Variants in SBF2 observed in about 807,000 individuals in gnomAD.
SBF2 encodes myotubularin-related protein 13.
In SBF2, 112 loss-of-function variants were observed where a neutral mutation model predicts 225.2. The observed-to-expected ratio is 0.50, with a 90% CI of 0.43 to 0.58. The LOEUF is 0.58. Among genes scored for constraint, SBF2 ranks in the 20% least tolerant of loss-of-function variants. The pLI, the probability that SBF2 is intolerant of heterozygous loss-of-function variation, is 0.00. For synonymous variants in SBF2, 763 were observed against 773.3 expected (o/e 0.99, Z 0.22); for missense variants, 1,996 against 2,206.2 (o/e 0.90, Z 1.91).
rs190892831 is a variant in SBF2, at chr11:9,882,619, T to A, written c.1929+13324A>T. 1.9e-3 allele frequency among the ~76,000 whole-genome samples: 289 copies of A among 152,022 alleles called. 1 individual carries two copies. The highest frequency in any genetic ancestry group is 5.4e-3 in the African/African-American group (225 of 41,472). ...GTCAGGAGATCGAGACCATCCTGGC[T>A]AACACGGTGAAACCCCGTCTCTACT... is the stretch of plus-strand genomic sequence containing the variant. On this transcript the variant is annotated intron_variant, in intron 17 of 39. Coordinates refer to ENST00000256190, the MANE Select transcript of SBF2 (RefSeq NM_030962.4).
intron 2 of SBF2, among the ~76,000 whole-genome samples, chr11:10,175,285 C>T (rs964749340): frequency 5.9e-5 from 9 of 151,508 alleles, no homozygotes; most frequent in Admixed American, 2.0e-4. Context: ...TGCAGAGACA[C>T]ACATAGGCTC....
intron 2 of SBF2, among the ~76,000 whole-genome samples, chr11:10,097,952 A>G (rs542786968): frequency 6.6e-6 from 1 of 152,178 alleles, no homozygotes; most frequent in Admixed American, 6.5e-5. Flanking sequence ...AGCTAGAAAC[A>G]GGAGAAAAGG....
At chr11:10,107,939 C>T (rs1430435137) in intron 2 of SBF2, among the ~76,000 whole-genome samples, 1 of 152,108 alleles carries the variant, frequency 6.6e-6, no homozygotes, top group East Asian at 1.9e-4. Flanking sequence ...CAGTGGTTAT[C>T]TGGAGATGGG....
chr11:9,839,758 G>A, intron 25 of SBF2, 62 bp from the exon 26 acceptor site: 1 of 1,473,076 alleles, frequency 6.8e-7, no homozygotes, highest in South Asian at 1.1e-5. Flanking sequence ...GGTCTTCAGG[G>A]TAGTACCTGT....
intron 29 of SBF2, among the ~76,000 whole-genome samples, chr11:9,813,606 G>C (rs186885515): frequency 6.6e-6 from 1 of 152,122 alleles, no homozygotes; most frequent in Admixed American, 6.5e-5. Flanking sequence ...GATTACAGGC[G>C]TGAGCCACCA....
At chr11:10,196,068 A>G (rs1957344452) in intron 1 of SBF2, among the ~76,000 whole-genome samples, 2 of 152,228 alleles carry the variant, frequency 1.3e-5, no homozygotes, top group Non-Finnish European at 2.9e-5. Context: ...CAGTTATGTT[A>G]TCGTAAGCTC....
intron 13 of SBF2, among the ~76,000 whole-genome samples, chr11:9,970,823 C>T (rs1395181142): frequency 2.6e-5 from 4 of 152,164 alleles, no homozygotes; most frequent in African/African-American, 4.8e-5. Flanking sequence ...TATTTCCCCC[C>T]ATATCTAGCA....
At chr11:10,038,826 T>C (rs1277885610) in intron 3 of SBF2, among the ~76,000 whole-genome samples, 1 of 151,832 alleles carries the variant, frequency 6.6e-6, no homozygotes. Flanking sequence ...TATAAACATA[T>C]GAAATAACTT....
At position 9,858,217 on chromosome 11, in the gene SBF2, C is replaced by T. The variant is rs754478041; in HGVS notation, c.2100+9G>A. 1 of 1,613,906 alleles carries T rather than the reference C, an allele frequency of 6.2e-7. No homozygotes were observed. The highest frequency in any genetic ancestry group is 8.5e-7 in the Non-Finnish European group (1 of 1,179,926). ...CCCACACAATTAGAGTTCTTTTCTTCTCTCTTACCTTTTGCTTCAGATGCG... is the reference window on the plus strand; with the variant it reads ...CCCACACAATTAGAGTTCTTTTCTTTTCTCTTACCTTTTGCTTCAGATGCG... On this transcript the variant is annotated intron_variant, in intron 18 of 39. Transcript: ENST00000256190.
intron 14 of SBF2, among the ~76,000 whole-genome samples, chr11:9,964,473 A>G (rs895658523): frequency 6.6e-6 from 1 of 152,222 alleles, no homozygotes; most frequent in Non-Finnish European, 1.5e-5. Flanking sequence ...AAAGGCAAAC[A>G]TCTATTTTAA....
intron 26 of SBF2, among the ~76,000 whole-genome samples, chr11:9,833,302 C>T (rs1455166996): frequency 6.6e-6 from 1 of 151,928 alleles, no homozygotes; most frequent in Non-Finnish European, 1.5e-5. Context: ...TTAATAAATG[C>T]AAGAAGACAG....
chr11:9,845,554 T>C lies in SBF2; in HGVS notation c.3110+11A>G, dbSNP rs1856483243. On this transcript the variant is annotated intron_variant, in intron 24 of 39. Transcript: ENST00000256190. The stretch of plus-strand genomic sequence containing the variant: ...GAGGGCTGAAATTAACAGACTTGTC[T>C]TTCTTCTTACCGAAAAGAAGTGTTC... The C allele has an allele frequency of 1.2e-6, 2 of 1,612,096 alleles. No homozygotes were observed. The highest frequency in any genetic ancestry group is 2.2e-5 in the East Asian group (1 of 44,864).
chr11:10,303,624 ACTCG>A lies in SBF2; in HGVS notation n.386+864_386+867del, dbSNP rs1175318175. 2.0e-5 allele frequency: 3 copies of A among 152,128 alleles called. No individual in the cohort carries two copies. Among genetic ancestry groups the A allele is most frequent in the African/African-American group, 4.8e-5 (2 of 41,352 alleles). The allele number at this position is 152,128 out of a possible 1,614,324, so 9.4% of individuals were successfully genotyped here. On this transcript the variant is annotated intron_variant and non_coding_transcript_variant, in intron 1 of 5. Coordinates refer to the SBF2 transcript ENST00000685217. This position sits in a 1 kb window ranked among gnomAD's most constrained non-coding sequence, Gnocchi z 5.2. Reference sequence around the variant, plus strand: ...ATGGGGACTCGAGAGATGGGACATGACTCGCCCACCTTCACACAGCGAATTGCCG... The same window carrying A: ...ATGGGGACTCGAGAGATGGGACATGACCCACCTTCACACAGCGAATTGCCG...
chr11:9,910,601 T>C (rs1362835584), intron 16 of SBF2, among the ~76,000 whole-genome samples: 1 of 151,924 alleles, frequency 6.6e-6, no homozygotes, highest in Non-Finnish European at 1.5e-5. Context: ...TGAGACAAGA[T>C]GTGGTGGTGG....
chr11:9,961,297 CT>C (rs1171554898), intron 16 of SBF2: 1 of 152,166 alleles, frequency 6.6e-6, no homozygotes, highest in Non-Finnish European at 1.5e-5. Context: ...CACGGATGAT[CT>C]TTGAAGTCTT....
chr11:10,007,436 G>A (rs1159605346), intron 6 of SBF2, among the ~76,000 whole-genome samples: 3 of 152,040 alleles, frequency 2.0e-5, no homozygotes, highest in Admixed American at 6.6e-5. Flanking sequence ...CAAGCTCCAC[G>A]ACCAGGAATC....
At chr11:10,065,536 T>C (rs918217372) in intron 2 of SBF2, among the ~76,000 whole-genome samples, 6 of 152,124 alleles carry the variant, frequency 3.9e-5, no homozygotes, top group Non-Finnish European at 5.9e-5. Flanking sequence ...ATGTTAATAT[T>C]TGGAATAAGA....
chr11:10,219,915 T>A (rs957251098), intron 1 of SBF2, among the ~76,000 whole-genome samples: 7 of 152,222 alleles, frequency 4.6e-5, no homozygotes, highest in Non-Finnish European at 1.0e-4. Context: ...CATCTTCTTG[T>A]CTTCTTCTGA....
intron 2 of SBF2, among the ~76,000 whole-genome samples, chr11:10,057,036 C>G (rs1950279396): frequency 6.6e-6 from 1 of 152,188 alleles, no homozygotes; most frequent in African/African-American, 2.4e-5. Context: ...AGGTCTGTAC[C>G]TCCCTGGGAC....
Sources: gnomAD v4.1 joint callset for allele counts (sites outside exome capture counted in the v4.1 genomes callset) on GRCh38, gnomAD v4.1.1 for gene constraint, Gnocchi (gnomAD v3.1) non-coding constraint, MANE v1.5 for transcripts, NCBI Gene and HGNC (gene_info 2026-07-23, HGNC 2026-07-21) for gene names.